The following SMCHD1 variants were observed in gnomAD, a reference collection of about 807,000 sequenced individuals.
SMCHD1 encodes the protein structural maintenance of chromosomes flexible hinge domain containing 1.
Under a neutral mutation model 254.7 loss-of-function variants are expected in SMCHD1, and 78 were observed. The ratio of observed to expected loss-of-function variants is 0.31; its 90% CI spans 0.26 to 0.37. The LOEUF (loss-of-function observed/expected upper bound fraction) is 0.37. Among genes scored for constraint, SMCHD1 ranks in the 10% least tolerant of loss-of-function variants. The pLI, the probability that SMCHD1 is intolerant of heterozygous loss-of-function variation, is 1.00. For synonymous variants in SMCHD1, 766 were observed against 794.9 expected (o/e 0.96, Z 0.61); for missense variants, 1,840 against 2,408.1 (o/e 0.76, Z 4.94).
At position 2,697,118 on chromosome 18, in the gene SMCHD1, T is replaced by C. The variant is rs1346401176; in HGVS notation, c.1127T>C (p.Ile376Thr). ...GTTGAACCTTTCAACAATATTGATA[T>C]TGAAGTAAGAGAAAAATCCATCTTA... Reference protein sequence around the residue: ...KEVEPFNNIDIEISMFEKGKV... With the variant: ...KEVEPFNNIDTEISMFEKGKV... The change falls in exon 9 of 48, where the codon ATT becomes ACT. Residue 376 changes from isoleucine to threonine, a missense_variant. This residue lies in a region of SMCHD1 where 498 missense variants were observed against 743.5 expected (regional missense o/e 0.67). Coordinates refer to ENST00000320876, the MANE Select transcript of SMCHD1 (RefSeq NM_015295.3). 2 of 1,398,326 alleles carry C rather than the reference T, an allele frequency of 1.4e-6. No homozygotes were observed. The highest frequency in any genetic ancestry group is 1.4e-5 in the South Asian group (1 of 71,504). The allele number at this position is 1,398,326 out of a possible 1,614,324, so 86.6% of individuals were successfully genotyped here.
chr18:2,792,142 A>T (rs2076178198), intron 45 of SMCHD1, among the ~76,000 whole-genome samples: 1 of 152,212 alleles, frequency 6.6e-6, no homozygotes, highest in Non-Finnish European at 1.5e-5. Context: ...TACAAATAAA[A>T]TTTGCTTTTA....
intron 8 of SMCHD1, among the ~76,000 whole-genome samples, chr18:2,696,206 G>A (rs1361622374): frequency 6.6e-6 from 1 of 152,116 alleles, no homozygotes; most frequent in African/African-American, 2.4e-5. Flanking sequence ...TGGAATCTTA[G>A]GGTAAGATTG....
intron 1 of SMCHD1, among the ~76,000 whole-genome samples, chr18:2,662,047 T>C (rs2073279839): frequency 7.0e-6 from 1 of 143,492 alleles, no homozygotes; most frequent in African/African-American, 2.8e-5. Flanking sequence ...TAGTCCCAGC[T>C]ACTCGGGAGG....
At chr18:2,657,000 A>G (rs923778056) in intron 1 of SMCHD1, among the ~76,000 whole-genome samples, 1 of 152,086 alleles carries the variant, frequency 6.6e-6, no homozygotes, top group African/African-American at 2.4e-5. Context: ...ATCCGCTTTA[A>G]ACTGTGATGT....
rs368440720 is a variant in SMCHD1, at chr18:2,784,582, C to T, written c.5680C>T (p.Pro1894Ser). Reference protein sequence around the residue: ...DKLRGMVFGAPVPKQCLILGE... With the variant: ...DKLRGMVFGASVPKQCLILGE... ...ACTTCGGGGAATGGTATTTGGAGCT[C>T]CAGTTCCAAAACAGTGTCTGATCTT... is the stretch of plus-strand genomic sequence containing the variant. Residue 1894 changes from proline (P) to serine (S), a missense_variant, in exon 45 of 48, where the codon CCA becomes TCA. Transcript: ENST00000320876. 3 of 1,608,072 alleles carry T rather than the reference C, an allele frequency of 1.9e-6. No homozygotes were observed. The highest frequency in any genetic ancestry group is 2.5e-6 in the Non-Finnish European group (3 of 1,177,836).
intron 42 of SMCHD1, among the ~76,000 whole-genome samples, chr18:2,776,823 TG>T (rs1234013207): frequency 6.6e-6 from 1 of 152,144 alleles, no homozygotes; most frequent in Non-Finnish European, 1.5e-5. Flanking sequence ...TCTGCCACCC[TG>T]CAACTAGTCA....
intron 7 of SMCHD1, among the ~76,000 whole-genome samples, chr18:2,690,358 G>C (rs535055): frequency 0.41 from 62,379 of 152,028 alleles, 14,444 homozygotes; most frequent in East Asian, 0.6. Flanking sequence ...TTATTTAAAG[G>C]ATTTTACAGT....
intron 1 of SMCHD1, among the ~76,000 whole-genome samples, chr18:2,660,930 A>G (rs1003776259): frequency 2.0e-5 from 3 of 152,184 alleles, no homozygotes; most frequent in Admixed American, 1.3e-4. Context: ...GACCAACACA[A>G]ATGCCTATTG....
intron 8 of SMCHD1, among the ~76,000 whole-genome samples, chr18:2,694,917 CA>C: frequency 6.6e-6 from 1 of 152,256 alleles, no homozygotes; most frequent in African/African-American, 2.4e-5. Flanking sequence ...TTATTTGAGG[CA>C]CAGGATTTTG....
In SMCHD1 at chr18:2,655,941, C is replaced by G. The variant is rs924398825; in HGVS notation, c.-135C>G. On this transcript the variant is annotated 5_prime_UTR_variant, in exon 1 of 48. Coordinates refer to ENST00000320876, the MANE Select transcript of SMCHD1 (RefSeq NM_015295.3). ...GCCGCTGCTCGGCCGCCGCCGCTGA[C>G]GAGGAGCTGCAGCGCGCCGGGCCGA... The G allele has an allele frequency of 2.6e-5, 16 of 604,818 alleles. No individual in the cohort carries two copies. The highest frequency in any genetic ancestry group is 1.5e-4 in the African/African-American group (8 of 52,106). The allele number at this position is 604,818 out of a possible 1,614,324, so 37.5% of individuals were successfully genotyped here.
At chr18:2,778,562 G>A (rs2076104123) in intron 44 of SMCHD1, among the ~76,000 whole-genome samples, 2 of 152,180 alleles carry the variant, frequency 1.3e-5, no homozygotes, top group African/African-American at 4.8e-5. Context: ...ATTAACTGAT[G>A]TGAATAATAG....
rs148962574 is a variant in SMCHD1, at chr18:2,736,209, A to T, written c.3277-2188A>T. On this transcript the variant is annotated intron_variant, in intron 25 of 47. Coordinates refer to ENST00000320876, the MANE Select transcript of SMCHD1 (RefSeq NM_015295.3). The stretch of plus-strand genomic sequence containing the variant: ...CCGGGATAACTGGCTAGCCATATGC[A>T]GAAGAATGAAAGTGGATCCCTACCT... Among the ~76,000 whole-genome samples the T allele has an allele frequency of 6.7e-3, 1,018 of 152,374 alleles. 4 individuals carry two copies. The highest frequency in any genetic ancestry group is 0.012 in the Admixed American group (191 of 15,304).
At chr18:2,682,235 G>A (rs2073947336) in intron 5 of SMCHD1, among the ~76,000 whole-genome samples, 1 of 151,192 alleles carries the variant, frequency 6.6e-6, no homozygotes, top group Admixed American at 6.6e-5. Context: ...CTCTACCCTG[G>A]CTTCCTGGCA....
chr18:2,787,211 G>C (rs1467324100), intron 45 of SMCHD1, among the ~76,000 whole-genome samples: 1 of 152,074 alleles, frequency 6.6e-6, no homozygotes, highest in African/African-American at 2.4e-5. Flanking sequence ...GAAGGTGCCA[G>C]GCTCTTTAAA....
rs2076401666 is a variant in SMCHD1 at position 2,803,617 on chromosome 18, ATAAG to A, written c.*1067_*1070del. 1 of 152,202 alleles carries A rather than the reference ATAAG, an allele frequency of 6.6e-6. No homozygotes were observed. The highest frequency in any genetic ancestry group is 2.4e-5 in the African/African-American group (1 of 41,462). 9.4% of individuals were successfully genotyped at this position (152,202 alleles called of 1,614,324 possible). Reference sequence around the variant, plus strand: ...AGATTGTTTCTTCCCTACTGAATAGATAAGTGTTTTTCTTTTTTAAAATTGGAAG... The same window carrying A: ...AGATTGTTTCTTCCCTACTGAATAGATGTTTTTCTTTTTTAAAATTGGAAG... On this transcript the variant is annotated 3_prime_UTR_variant, in exon 48 of 48. Coordinates refer to ENST00000320876, the MANE Select transcript of SMCHD1 (RefSeq NM_015295.3).
chr18:2,670,671 C>T (rs529843225), intron 3 of SMCHD1, among the ~76,000 whole-genome samples: 3 of 152,086 alleles, frequency 2.0e-5, no homozygotes, highest in Non-Finnish European at 2.9e-5. Context: ...GAAGCCCCGG[C>T]GGGCAGATTA....
intron 17 of SMCHD1, among the ~76,000 whole-genome samples, chr18:2,708,621 TTTTTTTTTTGAGACAGAGC>T (rs2074576956): frequency 6.7e-6 from 1 of 150,364 alleles, no homozygotes; most frequent in African/African-American, 2.4e-5. Flanking sequence ...TTCCTGCTTT[TTTTTTTTTTGAGACAGAGC>T]TTCGCTCTTG....
At chr18:2,753,979 G>C (rs1397329322) in intron 34 of SMCHD1, among the ~76,000 whole-genome samples, 1 of 152,056 alleles carries the variant, frequency 6.6e-6, no homozygotes, top group East Asian at 1.9e-4. Flanking sequence ...TGGCCACTTA[G>C]ATTACCTTTT....
chr18:2,791,164 T>C (rs2076313254), intron 45 of SMCHD1, among the ~76,000 whole-genome samples: 1 of 152,136 alleles, frequency 6.6e-6, no homozygotes. Context: ...AGAATAAGTT[T>C]TAAAAGGTGT....
Sources: gnomAD v4.1 joint callset for allele counts (sites outside exome capture counted in the v4.1 genomes callset) on GRCh38, gnomAD v4.1.1 for gene constraint, gnomAD v4.1.1 regional missense constraint, MANE v1.5 for transcripts, NCBI Gene and HGNC (gene_info 2026-07-23, HGNC 2026-07-21) for gene names.